The following ANO6 variants were observed in gnomAD, a reference collection of about 807,000 sequenced individuals.
The protein encoded by ANO6 is anoctamin-6.
Under a neutral mutation model 117.5 loss-of-function variants are expected in ANO6, and 106 were observed. That is an observed-to-expected ratio of 0.90 (90% CI 0.77 to 1.06). The LOEUF is 1.06. ANO6 is among the 50% of genes least tolerant of loss of function. The pLI is 0.00. For synonymous variants in ANO6, 367 were observed against 385.1 expected (o/e 0.95, Z 0.55); for missense variants, 955 against 1,121.1 (o/e 0.85, Z 2.12).
At chr12:45,375,165 T>C (rs1941970210) in intron 9 of ANO6, among the ~76,000 whole-genome samples, 1 of 152,128 alleles carries the variant, frequency 6.6e-6, no homozygotes, top group Non-Finnish European at 1.5e-5. Context: ...AAGGACCTCT[T>C]CAGGAAGAAC....
Position 45,357,278 on chromosome 12 carries a change from G to T in ANO6, c.864-12G>T, listed in dbSNP as rs1941435239. ...TTTGCATCTTCTAAAAATAATTTCT[G>T]TCTTTCTTCAGGAAATACTATGGAG... On this transcript the variant is annotated splice_polypyrimidine_tract_variant and intron_variant, in intron 7 of 19. Transcript: ENST00000320560. The T allele has an allele frequency of 6.2e-7, 1 of 1,613,002 alleles. No homozygotes were observed. The highest frequency in any genetic ancestry group is 1.7e-5 in the Admixed American group (1 of 59,986).
chr12:45,264,346 G>C (rs1938145658), intron 1 of ANO6, among the ~76,000 whole-genome samples: 1 of 152,140 alleles, frequency 6.6e-6, no homozygotes, highest in South Asian at 2.1e-4. Context: ...ATCCTACTCT[G>C]TCCTTGGCCT....
intron 3 of ANO6, among the ~76,000 whole-genome samples, chr12:45,341,741 T>C (rs141240607): frequency 1.5e-4 from 23 of 152,200 alleles, no homozygotes; most frequent in African/African-American, 5.5e-4. Flanking sequence ...GGACGAAGGG[T>C]CATTGGGTGC....
chr12:45,224,133 A>G (rs1168794567), intron 1 of ANO6, among the ~76,000 whole-genome samples: 2 of 152,184 alleles, frequency 1.3e-5, no homozygotes, highest in African/African-American at 4.8e-5. Context: ...ACTGTAATCA[A>G]GATCTGTACC....
At chr12:45,362,070 T>G (rs1941570192) in intron 8 of ANO6, among the ~76,000 whole-genome samples, 1 of 152,132 alleles carries the variant, frequency 6.6e-6, no homozygotes. Flanking sequence ...GTGTTAATTC[T>G]TCTTTAAATG....
rs760807258 is a variant in ANO6 at position 45,429,250 on chromosome 12, G to A, written c.2672G>A (p.Gly891Glu). 10 of 1,613,716 alleles carry A rather than the reference G, an allele frequency of 6.2e-6. No individual in the cohort carries two copies. Among genetic ancestry groups the A allele is most frequent in the African/African-American group, 5.3e-5 (4 of 74,898 alleles). The change falls in exon 20 of 20, where the codon GGG becomes GAG. Residue 891 changes from glycine (G) to glutamate (E), a missense_variant. By Grantham distance (98) the Gly-to-Glu change is moderately conservative (BLOSUM62 -2). Transcript: ENST00000320560. ...CTCAAAGATATGACGAAAAATATGG[G>A]GGTGATAGCTGAGCGGATGATAGAA... ...NHLKDMTKNM[G>E]VIAERMIEAV...
At chr12:45,422,020 A>T (rs1313608880) in intron 18 of ANO6, among the ~76,000 whole-genome samples, 1 of 152,214 alleles carries the variant, frequency 6.6e-6, no homozygotes, top group Non-Finnish European at 1.5e-5. Context: ...GGAAACCAGA[A>T]ATAAGCCCAA....
downstream of ANO6, among the ~76,000 whole-genome samples, chr12:45,432,930 A>G (rs1400986035): frequency 6.6e-6 from 1 of 152,218 alleles, no homozygotes; most frequent in African/African-American, 2.4e-5. Context: ...TGCCCCTGCT[A>G]TCTGCAATAG....
At chr12:45,417,487 T>C (rs1324173253) in intron 17 of ANO6, among the ~76,000 whole-genome samples, 1 of 152,200 alleles carries the variant, frequency 6.6e-6, no homozygotes, top group Non-Finnish European at 1.5e-5. Context: ...GCTTTGGTCA[T>C]TGGCTGAAGC....
At chr12:45,321,155 A>C (rs1940254976) in intron 2 of ANO6, among the ~76,000 whole-genome samples, 1 of 152,140 alleles carries the variant, frequency 6.6e-6, no homozygotes, top group African/African-American at 2.4e-5. Context: ...GGTTGAAGTA[A>C]ATGAAGATGA....
intron 1 of ANO6, among the ~76,000 whole-genome samples, chr12:45,293,365 T>C (rs1350371417): frequency 2.0e-5 from 3 of 152,170 alleles, no homozygotes; most frequent in African/African-American, 7.2e-5. Context: ...ACAGTTTTCT[T>C]GTGATAAGAA....
At position 45,429,665 on chromosome 12, in the gene ANO6, C is replaced by T. The variant is rs151026712; in HGVS notation, c.*354C>T. 7.3e-5 allele frequency: 82 copies of T among 1,130,108 alleles called. No homozygotes were observed. Among genetic ancestry groups the T allele is most frequent in the Middle Eastern group, 8.2e-4 (2 of 2,438 alleles). The allele number at this position is 1,130,108 out of a possible 1,614,324, so 70.0% of individuals were successfully genotyped here. On this transcript the variant is annotated 3_prime_UTR_variant, in exon 20 of 20. Transcript: ENST00000320560. ...ATTTTCATTTCTGTCTATTCTCAGG[C>T]GCATGATCTCCTTTATTTTTAAGCC...
intron 3 of ANO6, among the ~76,000 whole-genome samples, chr12:45,332,732 G>C (rs1940709250): frequency 6.6e-6 from 1 of 152,048 alleles, no homozygotes; most frequent in South Asian, 2.1e-4. Context: ...AGAAACCCAA[G>C]CCTGACAGAA....
At chr12:45,308,439 G>A (rs1174917584) in intron 2 of ANO6, among the ~76,000 whole-genome samples, 7 of 152,030 alleles carry the variant, frequency 4.6e-5, no homozygotes, top group Non-Finnish European at 7.4e-5. Context: ...CAAGGCATTA[G>A]CTAAGATTGA....
chr12:45,266,639 G>A (rs1477627742), intron 1 of ANO6, among the ~76,000 whole-genome samples: 1 of 152,084 alleles, frequency 6.6e-6, no homozygotes, highest in Non-Finnish European at 1.5e-5. Context: ...CTACAAAAAC[G>A]TTAAAAAATT....
chr12:45,316,152 A>G (rs1940017701), intron 2 of ANO6, among the ~76,000 whole-genome samples: 1 of 152,150 alleles, frequency 6.6e-6, no homozygotes, highest in Non-Finnish European at 1.5e-5. Flanking sequence ...CAGTTAATTT[A>G]TTTAATAATA....
chr12:45,216,883 C>T (rs909583662), intron 1 of ANO6, among the ~76,000 whole-genome samples: 23 of 152,130 alleles, frequency 1.5e-4, no homozygotes, highest in African/African-American at 5.1e-4. Flanking sequence ...TGAGGCCTGG[C>T]GGGGCGGCCC....
chr12:45,304,007 T>TA (rs1447668789), intron 2 of ANO6, among the ~76,000 whole-genome samples: 2 of 152,246 alleles, frequency 1.3e-5, no homozygotes, highest in African/African-American at 4.8e-5. Context: ...TTTCTCTAGT[T>TA]ATGGGTTCAT....
chr12:45,293,178 T>A (rs903058165), intron 1 of ANO6, among the ~76,000 whole-genome samples: 3 of 152,258 alleles, frequency 2.0e-5, no homozygotes, highest in Non-Finnish European at 2.9e-5. Context: ...AGAGCACTAG[T>A]AACTGTACTG....
Sources: allele counts gnomAD v4.1 joint callset (sites outside exome capture counted in the v4.1 genomes callset), GRCh38; gene constraint gnomAD v4.1.1; transcripts MANE v1.5; gene names NCBI Gene and HGNC (gene_info 2026-07-23, HGNC 2026-07-21).